The following BRINP2 variants were observed in gnomAD, a reference collection of about 807,000 sequenced individuals.
BRINP2 encodes the protein BMP/retinoic acid-inducible neural-specific protein 2.
In BRINP2, 21 loss-of-function variants were observed where a neutral mutation model predicts 69.2. The ratio of observed to expected loss-of-function variants is 0.30; its 90% CI spans 0.22 to 0.44. The LOEUF (loss-of-function observed/expected upper bound fraction) is 0.44, where lower values mean the gene tolerates loss of function less well. BRINP2 is among the 20% of genes least tolerant of loss of function. BRINP2 has a pLI of 1.00. For synonymous variants in BRINP2, 380 were observed against 394.1 expected (o/e 0.96, Z 0.42); for missense variants, 877 against 986.0 (o/e 0.89, Z 1.48).
At chr1:177,213,801 C>G (rs1649296661) in intron 1 of BRINP2, among the ~76,000 whole-genome samples, 2 of 152,190 alleles carry the variant, frequency 1.3e-5, no homozygotes, top group Non-Finnish European at 2.9e-5. Flanking sequence ...TCAGCCTTTT[C>G]TCCCATCTTC....
chr1:177,180,345 A>G (rs1648208777), intron 1 of BRINP2, among the ~76,000 whole-genome samples: 1 of 152,138 alleles, frequency 6.6e-6, no homozygotes, highest in Non-Finnish European at 1.5e-5. Flanking sequence ...CTGGGCATCA[A>G]TCTGGTCATA....
rs1342966667 is a variant in BRINP2 at position 177,257,242 on chromosome 1, G to A, written c.527G>A (p.Gly176Asp). The change falls in exon 4 of 8, where the codon GGT (glycine) becomes GAT (aspartate). Residue 176 changes from glycine to aspartate, a missense_variant. Gly to Asp is a moderately conservative substitution (Grantham distance 94, BLOSUM62 -1). Around this residue, in one of 3 missense-constraint regions of BRINP2, gnomAD observed 566 missense variants for 625.2 expected, o/e 0.91. Transcript: ENST00000361539. The stretch of plus-strand genomic sequence containing the variant: ...GGAAGAAAGACAGAGACAACAGGAG[G>A]TGCCTCTATAATCGGGGGCAGTGGG... ...KLGRKTETTG[G>D]ASIIGGSGNS... The A allele has an allele frequency of 6.2e-7, 1 of 1,614,110 alleles. No homozygotes were observed. The highest frequency in any genetic ancestry group is 8.5e-7 in the Non-Finnish European group (1 of 1,180,022).
intron 1 of BRINP2, among the ~76,000 whole-genome samples, chr1:177,224,216 A>G (rs12131307): frequency 0.44 from 67,206 of 151,968 alleles, 15,302 homozygotes; most frequent in East Asian, 0.62. Flanking sequence ...TGACACCCTC[A>G]GATTTATTCA....
At chr1:177,273,258 G>A (rs541259556) in intron 4 of BRINP2, among the ~76,000 whole-genome samples, 1 of 152,086 alleles carries the variant, frequency 6.6e-6, no homozygotes, top group Non-Finnish European at 1.5e-5. Flanking sequence ...TCTCTGAAAG[G>A]CTCTTACTTA....
intron 5 of BRINP2, among the ~76,000 whole-genome samples, chr1:177,274,869 T>C (rs968222155): frequency 1.3e-5 from 2 of 152,132 alleles, no homozygotes; most frequent in African/African-American, 4.8e-5. Flanking sequence ...GAATTGGAGG[T>C]AGACCTCAAG....
At chr1:177,202,391 G>T (rs1344889976) in intron 1 of BRINP2, among the ~76,000 whole-genome samples, 3 of 152,048 alleles carry the variant, frequency 2.0e-5, no homozygotes, top group Non-Finnish European at 4.4e-5. Flanking sequence ...CAGAGATTCT[G>T]GTATGTTGTG....
intron 1 of BRINP2, among the ~76,000 whole-genome samples, chr1:177,183,111 C>G (rs898918922): frequency 5.8e-5 from 6 of 102,926 alleles, no homozygotes; most frequent in South Asian, 3.3e-4. Context: ...AACTAGATTT[C>G]TTTCCAGGTG....
intron 1 of BRINP2, among the ~76,000 whole-genome samples, chr1:177,212,783 T>C (rs1649264994): frequency 6.6e-6 from 1 of 152,168 alleles, no homozygotes; most frequent in African/African-American, 2.4e-5. Context: ...CACAAAAAAA[T>C]GTTCCAGGCT....
intron 4 of BRINP2, 147 bp from the exon 5 acceptor site, chr1:177,273,341 A>G: frequency 2.1e-6 from 1 of 479,646 alleles, no homozygotes; most frequent in South Asian, 4.2e-5. Flanking sequence ...GTGACTTTAT[A>G]CCTCTGGAGT....
intron 2 of BRINP2, among the ~76,000 whole-genome samples, chr1:177,251,679 C>A (rs949336028): frequency 6.6e-5 from 10 of 152,150 alleles, no homozygotes; most frequent in African/African-American, 2.2e-4. Context: ...AAACCACTTA[C>A]CCTTTCTGTT....
At chr1:177,222,238 A>C (rs1380177369) in intron 1 of BRINP2, among the ~76,000 whole-genome samples, 1 of 151,308 alleles carries the variant, frequency 6.6e-6, no homozygotes, top group African/African-American at 2.4e-5. Context: ...TTTTAGTGCT[A>C]ATAACCCCTG....
intron 3 of BRINP2, 83 bp from the exon 4 acceptor site, chr1:177,257,093 C>G (rs1558179900): frequency 1.3e-6 from 2 of 1,590,524 alleles, no homozygotes; most frequent in Non-Finnish European, 1.7e-6. Flanking sequence ...CTGTGTCTAT[C>G]TTGGCCAAGG....
At chr1:177,249,715 G>A (rs926269424) in intron 2 of BRINP2, among the ~76,000 whole-genome samples, 3 of 152,126 alleles carry the variant, frequency 2.0e-5, no homozygotes, top group African/African-American at 7.2e-5. Context: ...ATTACTGGGG[G>A]GAAAAGCTGC....
At chr1:177,198,054 A>T (rs1466053565) in intron 1 of BRINP2, among the ~76,000 whole-genome samples, 1 of 152,176 alleles carries the variant, frequency 6.6e-6, no homozygotes, top group Non-Finnish European at 1.5e-5. Flanking sequence ...CGACAGTGGT[A>T]AATTGATAAG....
chr1:177,236,001 A>G (rs2102329644), intron 2 of BRINP2, among the ~76,000 whole-genome samples: 1 of 152,298 alleles, frequency 6.6e-6, no homozygotes, highest in Admixed American at 6.5e-5. Context: ...CGGTATACAA[A>G]CTGGTATTGT....
intron 2 of BRINP2, among the ~76,000 whole-genome samples, chr1:177,232,733 C>G (rs1050626641): frequency 1.3e-5 from 2 of 151,692 alleles, no homozygotes; most frequent in African/African-American, 4.8e-5. Flanking sequence ...AAACATACAT[C>G]GACAGTCATC....
intron 2 of BRINP2, among the ~76,000 whole-genome samples, chr1:177,239,011 A>G (rs1650117742): frequency 1.3e-5 from 2 of 152,228 alleles, no homozygotes; most frequent in Admixed American, 6.5e-5. Flanking sequence ...CACTCAACCA[A>G]TAAGACAGGG....
intron 1 of BRINP2, among the ~76,000 whole-genome samples, chr1:177,184,641 G>C (rs17314674): frequency 0.045 from 6,558 of 145,078 alleles, 185 homozygotes; most frequent in Admixed American, 0.059. Context: ...GGTAGAGCCT[G>C]AGTCTTTTTT....
At chr1:177,262,948 T>TTTTATCAGCTA (rs1651004653) in intron 4 of BRINP2, among the ~76,000 whole-genome samples, 1 of 152,166 alleles carries the variant, frequency 6.6e-6, no homozygotes, top group Admixed American at 6.5e-5. Flanking sequence ...ATCAGCTACA[T>TTTTATCAGCTA]TTAGCAGTTC....
Sources: gnomAD v4.1 joint callset for allele counts (sites outside exome capture counted in the v4.1 genomes callset) on GRCh38, gnomAD v4.1.1 for gene constraint, gnomAD v4.1.1 regional missense constraint, MANE v1.5 for transcripts, NCBI Gene and HGNC (gene_info 2026-07-23, HGNC 2026-07-21) for gene names.